The following SOHLH2 variants were observed in gnomAD, a reference collection of about 807,000 sequenced individuals.
SOHLH2 encodes the protein spermatogenesis- and oogenesis-specific basic helix-loop-helix-containing protein 2.
SOHLH2 carries 22 observed loss-of-function variants against 50.4 expected under a neutral mutation model. That is an observed-to-expected ratio of 0.44 (90% confidence interval 0.31 to 0.62). SOHLH2 has a LOEUF of 0.62. Among genes scored for constraint, SOHLH2 ranks in the 20% least tolerant of loss-of-function variants. SOHLH2 has a pLI of 0.08. For missense variants in SOHLH2, 412 were observed against 504.4 expected, an observed-to-expected ratio of 0.82 and a Z score of 1.76; for synonymous variants, 185 against 187.3, an observed-to-expected ratio of 0.99 and a Z score of 0.10.
chr13:36,178,309 G>C (rs1887148452), intron 6 of SOHLH2, among the ~76,000 whole-genome samples: 1 of 152,020 alleles, frequency 6.6e-6, no homozygotes, highest in South Asian at 2.1e-4. Flanking sequence ...TATATGGTGT[G>C]AAGTAAGGGG....
chr13:36,194,354 A>G (rs1326698410), intron 2 of SOHLH2, among the ~76,000 whole-genome samples: 1 of 152,240 alleles, frequency 6.6e-6, no homozygotes, highest in Non-Finnish European at 1.5e-5. Flanking sequence ...TGACAATACT[A>G]AGAAGTGATT....
At chr13:36,184,460 C>CTTTTTTTTTTTTTTTTGTTTTTTTTTT in intron 6 of SOHLH2, among the ~76,000 whole-genome samples, 1 of 121,168 alleles carries the variant, frequency 8.3e-6, no homozygotes, top group South Asian at 2.9e-4. Flanking sequence ...CTACAAAGAC[C>CTTTTTTTTTTTTTTTTGTTTTTTTTTT]TTTTTTTTTT....
chr13:36,191,561 T>G (rs1259555191), intron 5 of SOHLH2, among the ~76,000 whole-genome samples: 2 of 152,178 alleles, frequency 1.3e-5, no homozygotes, highest in African/African-American at 4.8e-5. Context: ...CTGATCATAT[T>G]CCCCAATGAT....
At chr13:36,203,952 T>A (rs1233539509) in intron 1 of SOHLH2, among the ~76,000 whole-genome samples, 2 of 121,126 alleles carry the variant, frequency 1.7e-5, no homozygotes, top group African/African-American at 6.5e-5. Flanking sequence ...TTCTTTTTTT[T>A]TGTTTTTTTT....
chr13:36,196,173 G>A (rs1276254440), intron 2 of SOHLH2, among the ~76,000 whole-genome samples: 1 of 150,662 alleles, frequency 6.6e-6, no homozygotes, highest in African/African-American at 2.4e-5. Flanking sequence ...TCACTCAGGC[G>A]GGAGTGCAGT....
rs200269156 is a variant in SOHLH2 at position 36,174,477 on chromosome 13, G to T, written c.880C>A (p.Arg294=). 2 of 1,613,716 alleles carry T rather than the reference G, an allele frequency of 1.2e-6. No individual in the cohort carries two copies. The highest frequency in any genetic ancestry group is 2.2e-5 in the South Asian group (2 of 90,904). Residue 294 remains arginine, a splice_region_variant and synonymous_variant, in exon 8 of 11, where the codon CGG becomes AGG. Coordinates refer to ENST00000379881, the MANE Select transcript of SOHLH2 (RefSeq NM_017826.3). ...GATTCGCAAAAGCCCTTATCATACC[G>T]CTGTGCCATGACAGTGCCTGGGAGA... ...LSLPGTVMAQ[R]ENSVMSTYSP... is the part of the protein sequence containing the mutation.
intron 6 of SOHLH2, chr13:36,183,083 C>A: frequency 3.8e-6 from 1 of 265,084 alleles, no homozygotes; most frequent in Non-Finnish European, 8.4e-6. Context: ...TCCTTTCTCT[C>A]TCTCTTGCTC....
At chr13:36,190,776 C>A (rs1410226704) in intron 5 of SOHLH2, among the ~76,000 whole-genome samples, 1 of 152,078 alleles carries the variant, frequency 6.6e-6, no homozygotes, top group African/African-American at 2.4e-5. Flanking sequence ...AAAATTAAGA[C>A]CTTCCAAAAC....
intron 1 of SOHLH2, among the ~76,000 whole-genome samples, chr13:36,214,141 T>C (rs1869289515): frequency 6.6e-6 from 1 of 152,078 alleles, no homozygotes; most frequent in African/African-American, 2.4e-5. Context: ...ACTGAACATT[T>C]CATCAGTTAA....
intron 6 of SOHLH2, among the ~76,000 whole-genome samples, chr13:36,178,563 T>A (rs529796125): frequency 1.3e-5 from 2 of 152,300 alleles, no homozygotes; most frequent in South Asian, 4.1e-4. Context: ...GTCCTTCTAC[T>A]TTGTTGTACT....
At chr13:36,190,190 CA>C (rs563927288) in intron 5 of SOHLH2, 134 bp from the exon 6 acceptor site, 11 of 607,380 alleles carry the variant, frequency 1.8e-5, no homozygotes, top group Non-Finnish European at 2.5e-5. Context: ...CAATAAGTGT[CA>C]AAACACCATA....
chr13:36,206,651 T>C (rs1051216733), intron 1 of SOHLH2, among the ~76,000 whole-genome samples: 1 of 151,908 alleles, frequency 6.6e-6, no homozygotes, highest in Non-Finnish European at 1.5e-5. Context: ...CAATACCTGT[T>C]TTCTGTTGTG....
intron 9 of SOHLH2, among the ~76,000 whole-genome samples, chr13:36,172,714 G>T (rs370111514): frequency 7.1e-4 from 108 of 152,304 alleles, no homozygotes; most frequent in African/African-American, 2.5e-3. Flanking sequence ...CATTTAAGCT[G>T]AGAACTAGGG....
At chr13:36,171,354 A>C (rs1161147365) in intron 9 of SOHLH2, among the ~76,000 whole-genome samples, 1 of 152,252 alleles carries the variant, frequency 6.6e-6, no homozygotes, top group East Asian at 1.9e-4. Flanking sequence ...ACAGAGATTT[A>C]TGAAAAAGAA....
rs1886889726 is a variant in SOHLH2 at position 36,168,918 on chromosome 13, C to T, written c.*116G>A. ...TATCAGAAGCCAAACCATGCCAACT[C>T]TTTTGATATTAGGTCTTTGGGTGGA... On this transcript the variant is annotated 3_prime_UTR_variant, in exon 11 of 11. Transcript: ENST00000379881. The T allele has an allele frequency of 6.8e-7, 1 of 1,469,472 alleles. No individual in the cohort carries two copies. The highest frequency in any genetic ancestry group is 2.5e-5 in the Admixed American group (1 of 39,912). 91.0% of individuals were successfully genotyped at this position (1,469,472 alleles called of 1,614,324 possible).
At chr13:36,188,936 C>T (rs146941159) in intron 6 of SOHLH2, among the ~76,000 whole-genome samples, 169 of 152,312 alleles carry the variant, frequency 1.1e-3, no homozygotes, top group African/African-American at 3.9e-3. Flanking sequence ...GCCAACTCTG[C>T]ACTCCAAGAG....
chr13:36,173,603 G>T, intron 9 of SOHLH2, 89 bp downstream of exon 9: 1 of 1,484,128 alleles, frequency 6.7e-7, no homozygotes, highest in Non-Finnish European at 9.3e-7. Flanking sequence ...TGGATTCCCT[G>T]GTTATGGTGG....
chr13:36,213,793 C>G (rs1259893819), intron 1 of SOHLH2, among the ~76,000 whole-genome samples: 2 of 152,122 alleles, frequency 1.3e-5, no homozygotes, highest in African/African-American at 2.4e-5. Flanking sequence ...GGAAGCTCCA[C>G]GAAGGACACT....
chr13:36,198,772 C>T (rs1200073555), intron 2 of SOHLH2, among the ~76,000 whole-genome samples: 1 of 152,182 alleles, frequency 6.6e-6, no homozygotes, highest in Admixed American at 6.5e-5. Flanking sequence ...GGCTAAACTT[C>T]ATTCTTATTT....
Sources: allele counts gnomAD v4.1 joint callset (sites outside exome capture counted in the v4.1 genomes callset), GRCh38; gene constraint gnomAD v4.1.1; transcripts MANE v1.5; gene names NCBI Gene and HGNC (gene_info 2026-07-23, HGNC 2026-07-21).